DMXL1: variants seen among roughly 807,000 people sequenced by gnomAD.
DMXL1 encodes Dmx like 1, also known as dmX-like protein 1.
DMXL1 carries 99 observed loss-of-function variants against 319.2 expected under a neutral mutation model. That is an observed-to-expected ratio of 0.31 (90% CI 0.26 to 0.37). DMXL1 has a LOEUF of 0.37. DMXL1 is among the 10% of genes least tolerant of loss of function. The pLI is 1.00. For synonymous variants in DMXL1, 1,385 were observed against 1,235.2 expected, an observed-to-expected ratio of 1.12 and a Z score of -2.54; for missense variants, 3,745 against 3,595.6, an observed-to-expected ratio of 1.04 and a Z score of -1.06.
At chr5:119,085,054 C>A (rs2149709707) in intron 1 of DMXL1, among the ~76,000 whole-genome samples, 1 of 151,488 alleles carries the variant, frequency 6.6e-6, no homozygotes, top group East Asian at 2.0e-4. Flanking sequence ...TCCAGCTGGT[C>A]ACAGGGGCTC....
chr5:119,211,610 C>T (rs1782819433), intron 34 of DMXL1, among the ~76,000 whole-genome samples: 2 of 152,148 alleles, frequency 1.3e-5, no homozygotes, highest in African/African-American at 2.4e-5. Context: ...TATTTATATT[C>T]CCTAATATTT....
chr5:119,131,390 GA>G (rs993155067), intron 10 of DMXL1, among the ~76,000 whole-genome samples: 3 of 152,038 alleles, frequency 2.0e-5, no homozygotes, highest in African/African-American at 7.2e-5. Context: ...AGGAAACCTG[GA>G]AATTGGCACC....
At chr5:119,111,215 A>G (rs201998889) in intron 5 of DMXL1, among the ~76,000 whole-genome samples, 7 of 148,156 alleles carry the variant, frequency 4.7e-5, no homozygotes, top group African/African-American at 4.9e-5. Flanking sequence ...TGAAACAAAA[A>G]TATTAGAGGA....
intron 9 of DMXL1, chr5:119,128,062 G>A: frequency 8.9e-6 from 4 of 451,454 alleles, no homozygotes; most frequent in South Asian, 3.6e-5. Context: ...TACTATCAGT[G>A]TAGTCAGTAA....
At chr5:119,244,702 C>G (rs977972712) in intron 43 of DMXL1, 126 bp downstream of exon 43, 7 of 596,698 alleles carry the variant, frequency 1.2e-5, no homozygotes, top group African/African-American at 1.9e-5. Flanking sequence ...GTCAGCAGTG[C>G]TAATTGCTAT....
At chr5:119,076,839 T>A (rs1027890176) in intron 1 of DMXL1, among the ~76,000 whole-genome samples, 2 of 152,176 alleles carry the variant, frequency 1.3e-5, no homozygotes, top group Admixed American at 1.3e-4. Context: ...AAAGTTATAT[T>A]TTGATTATAT....
chr5:119,104,689 T>C (rs1291474155), intron 3 of DMXL1, among the ~76,000 whole-genome samples: 7 of 152,230 alleles, frequency 4.6e-5, no homozygotes, highest in Non-Finnish European at 1.0e-4. Flanking sequence ...TATTTCTTAC[T>C]GATTTGCAGG....
rs143172690 is a variant in DMXL1, at chr5:119,197,923, A to G, written c.7712A>G (p.Lys2571Arg). The G allele has an allele frequency of 2.5e-6, 4 of 1,614,108 alleles. No individual in the cohort carries two copies. Among genetic ancestry groups the G allele is most frequent in the South Asian group, 1.1e-5 (1 of 91,078 alleles). ...LSAGPAILRH[K>R]ALLEPTNTPF... ...GCAGGTCCTGCAATTCTTCGCCACA[A>G]AGCTTTACTGGAACCTACAAACACT... The change falls in exon 32 of 44, where the codon AAA (lysine) becomes AGA (arginine). Residue 2571 changes from lysine (K) to arginine (R), a missense_variant. This residue lies in a region of DMXL1 where 1,382 missense variants were observed against 1,269.5 expected (regional missense o/e 1.09). Coordinates refer to ENST00000539542, the MANE Select transcript of DMXL1 (RefSeq NM_001290321.3).
chr5:119,134,155 C>A lies in DMXL1; in HGVS notation c.2231C>A (p.Thr744Asn). 1 of 1,613,624 alleles carries A rather than the reference C, an allele frequency of 6.2e-7. No homozygotes were observed. Among genetic ancestry groups the A allele is most frequent in the Non-Finnish European group, 8.5e-7 (1 of 1,179,904 alleles). Residue 744 changes from threonine (T) to asparagine (N), a missense_variant, in exon 12 of 44, where the codon ACT becomes AAT. This residue lies in a region of DMXL1 where 2,096 missense variants were observed against 1,985.4 expected (regional missense o/e 1.06). Transcript: ENST00000539542. The part of the protein sequence containing the change: ...SAFSNVAWLP[T>N]LIPSYCLGAY... Reference sequence around the variant, plus strand: ...TTTTCCAATGTGGCATGGCTGCCCACTCTTATACCCAGTTATTGTCTGGGT... The same window carrying A: ...TTTTCCAATGTGGCATGGCTGCCCAATCTTATACCCAGTTATTGTCTGGGT...
intron 9 of DMXL1, among the ~76,000 whole-genome samples, chr5:119,123,170 G>T (rs1344434586): frequency 1.3e-5 from 2 of 151,980 alleles, no homozygotes; most frequent in Non-Finnish European, 2.9e-5. Context: ...AGGCGTAGCG[G>T]CGCGCGCCTG....
At position 119,149,573 on chromosome 5, in the gene DMXL1, C is replaced by T; in HGVS notation, c.3746C>T (p.Pro1249Leu). The change falls in exon 18 of 44, where the codon CCT becomes CTT. Residue 1249 changes from proline (P) to leucine (L), a missense_variant. Coordinates refer to ENST00000539542, the MANE Select transcript of DMXL1 (RefSeq NM_001290321.3). ...TGGCAACCATCTTCTAAACAAGAAC[C>T]TGTTATAACAGATTCGTACAGTGGG... ...CQWQPSSKQEPVITDSYSGST... is the reference protein window; with the variant it reads ...CQWQPSSKQELVITDSYSGST... 2 of 1,613,944 alleles carry T rather than the reference C, an allele frequency of 1.2e-6. No individual in the cohort carries two copies. The highest frequency in any genetic ancestry group is 1.7e-4 in the Middle Eastern group (1 of 6,058).
In DMXL1 at chr5:119,116,287, C is replaced by G; in HGVS notation, c.694C>G (p.Arg232Gly). 4 of 1,614,002 alleles carry G rather than the reference C, an allele frequency of 2.5e-6. No homozygotes were observed. The highest frequency in any genetic ancestry group is 2.2e-5 in the East Asian group (1 of 44,880). ...TTCTTTTGTGTATCTGGCCCATCCTCGAGCAGTAAATGGATTTTCCTGGCG... is the reference window on the plus strand; with the variant it reads ...TTCTTTTGTGTATCTGGCCCATCCTGGAGCAGTAAATGGATTTTCCTGGCG... ...DFSFVYLAHPRAVNGFSWRKT... is the reference protein window; with the variant it reads ...DFSFVYLAHPGAVNGFSWRKT... Residue 232 changes from arginine (R) to glycine (G), a missense_variant, in exon 7 of 44, where the codon CGA (arginine) becomes GGA (glycine). Physicochemically the swap from Arg to Gly is moderately radical, Grantham distance 125 (BLOSUM62 -2). Around this residue, in one of 4 missense-constraint regions of DMXL1, gnomAD observed 2,096 missense variants for 1,985.4 expected, o/e 1.06. Transcript: ENST00000539542.
intron 13 of DMXL1, among the ~76,000 whole-genome samples, chr5:119,135,279 G>A (rs893151359): frequency 1.3e-5 from 2 of 152,078 alleles, no homozygotes; most frequent in Non-Finnish European, 2.9e-5. Context: ...CGGGTGAAGG[G>A]AGATAGGAAG....
At chr5:119,190,176 T>C (rs938618590) in intron 29 of DMXL1, among the ~76,000 whole-genome samples, 15 of 152,246 alleles carry the variant, frequency 9.9e-5, no homozygotes, top group East Asian at 9.6e-4. Context: ...AACATCTTCA[T>C]GTTAATGTAC....
chr5:119,082,490 G>T (rs1752466202), intron 1 of DMXL1, among the ~76,000 whole-genome samples: 1 of 152,052 alleles, frequency 6.6e-6, no homozygotes, highest in Non-Finnish European at 1.5e-5. Context: ...ACCCAGACTG[G>T]TCGTGAACTC....
At chr5:119,127,463 C>G (rs778215830) in intron 9 of DMXL1, 2 of 152,004 alleles carry the variant, frequency 1.3e-5, no homozygotes, top group African/African-American at 4.9e-5. Context: ...CCGAATTACT[C>G]ACAGAATTTT....
chr5:119,234,815 A>G (rs1218865269), intron 39 of DMXL1, among the ~76,000 whole-genome samples: 1 of 152,186 alleles, frequency 6.6e-6, no homozygotes, highest in African/African-American at 2.4e-5. Context: ...CTACATGATT[A>G]CAATATAGGT....
At position 119,124,438 on chromosome 5, in the gene DMXL1, A is replaced by G. The variant is rs116635055; in HGVS notation, c.1102+3299A>G. 8.2e-4 allele frequency among the ~76,000 whole-genome samples: 125 copies of G among 152,276 alleles called. 1 individual carries two copies. The highest frequency in any genetic ancestry group is 2.8e-3 in the African/African-American group (117 of 41,556). On this transcript the variant is annotated intron_variant, in intron 9 of 43. Coordinates refer to ENST00000539542, the MANE Select transcript of DMXL1 (RefSeq NM_001290321.3). ...CTCAACTTCAGTCTTAATGCTAACA[A>G]ATAAGCAGTCCATCTTAGAATTAGC...
intron 17 of DMXL1, 178 bp downstream of exon 17, chr5:119,147,648 C>A: frequency 2.0e-6 from 1 of 499,866 alleles, no homozygotes; most frequent in South Asian, 3.8e-5. Flanking sequence ...ATTACTCTGA[C>A]ATTTATCAGC....
Sources: gnomAD v4.1 joint callset for allele counts (sites outside exome capture counted in the v4.1 genomes callset) on GRCh38, gnomAD v4.1.1 for gene constraint, gnomAD v4.1.1 regional missense constraint, MANE v1.5 for transcripts, NCBI Gene and HGNC (gene_info 2026-07-23, HGNC 2026-07-21) for gene names.